Variants in CFDP1 observed in about 807,000 individuals in gnomAD.
The protein encoded by CFDP1 is heterochromatin-stabilizing protein CFDP1.
In CFDP1, 31 loss-of-function variants were observed where a neutral mutation model predicts 40.1. The ratio of observed to expected loss-of-function variants is 0.77; its 90% CI spans 0.58 to 1.04. The LOEUF is 1.04. CFDP1 is among the 50% of genes least tolerant of loss of function. The pLI is 0.00. For missense variants in CFDP1, 423 were observed against 343.4 expected, an observed-to-expected ratio of 1.23 and a Z score of -1.83; for synonymous variants, 167 against 120.0, an observed-to-expected ratio of 1.39 and a Z score of -2.56.
chr16:75,362,656 T>G (rs1416846616), intron 5 of CFDP1, among the ~76,000 whole-genome samples: 1 of 152,164 alleles, frequency 6.6e-6, no homozygotes, highest in African/African-American at 2.4e-5. Context: ...CTTCCATTCC[T>G]TCAGGTGTTA....
intron 5 of CFDP1, among the ~76,000 whole-genome samples, chr16:75,350,975 G>C (rs1445184496): frequency 6.6e-6 from 1 of 151,858 alleles, no homozygotes; most frequent in Non-Finnish European, 1.5e-5. Context: ...TACATTTCTA[G>C]TGAGATAAAA....
intron 1 of CFDP1, among the ~76,000 whole-genome samples, 198 bp downstream of exon 1, chr16:75,433,091 G>A (rs567013544): frequency 2.2e-4 from 34 of 152,230 alleles, no homozygotes; most frequent in Admixed American, 2.2e-3. Context: ...CCAACGGGAG[G>A]GGAGCACAGA....
chr16:75,382,590 ATC>A (rs2078861377), intron 5 of CFDP1, among the ~76,000 whole-genome samples: 1 of 152,246 alleles, frequency 6.6e-6, no homozygotes, highest in Non-Finnish European at 1.5e-5. Flanking sequence ...TTGAAATGGT[ATC>A]AAAAATTTGG....
At chr16:75,388,499 A>T (rs190039469) in intron 5 of CFDP1, among the ~76,000 whole-genome samples, 1 of 152,354 alleles carries the variant, frequency 6.6e-6, no homozygotes, top group East Asian at 1.9e-4. Context: ...GAGTAAAGCC[A>T]CTGAGTAGGG....
chr16:75,346,066 T>C lies in CFDP1; in HGVS notation c.651-40884A>G, dbSNP rs142101064. Among the ~76,000 whole-genome samples, 733 of 152,334 alleles carry C rather than the reference T, an allele frequency of 4.8e-3. 10 individuals carry two copies. Among genetic ancestry groups the C allele is most frequent in the African/African-American group, 0.017 (719 of 41,576 alleles). On this transcript the variant is annotated intron_variant, in intron 5 of 6. Coordinates refer to ENST00000283882, the MANE Select transcript of CFDP1 (RefSeq NM_006324.3). Reference sequence around the variant, plus strand: ...CACGGAACAATGGCTCAAATGTCAATGTTCAGTACTCCCAATGCATCTCCC... The same window carrying C: ...CACGGAACAATGGCTCAAATGTCAACGTTCAGTACTCCCAATGCATCTCCC...
At chr16:75,299,288 T>C (rs1310753473) in intron 6 of CFDP1, among the ~76,000 whole-genome samples, 1 of 152,046 alleles carries the variant, frequency 6.6e-6, no homozygotes, top group South Asian at 2.1e-4. Context: ...TTCTGGGTGA[T>C]TAATTCTAAT....
At chr16:75,318,553 A>C (rs1467538060) in intron 5 of CFDP1, among the ~76,000 whole-genome samples, 1 of 151,852 alleles carries the variant, frequency 6.6e-6, no homozygotes, top group Admixed American at 6.6e-5. Flanking sequence ...CTACAGGTGC[A>C]TGCTGCCATG....
intron 5 of CFDP1, among the ~76,000 whole-genome samples, chr16:75,332,230 C>G (rs570269320): frequency 6.6e-6 from 1 of 152,030 alleles, no homozygotes; most frequent in East Asian, 1.9e-4. Flanking sequence ...TTTGGGAGGC[C>G]GAGGTGGGCG....
chr16:75,294,076 C>G (rs768665490), intron 6 of CFDP1, 34 bp from the exon 7 acceptor site: 1 of 1,557,848 alleles, frequency 6.4e-7, no homozygotes, highest in Non-Finnish European at 8.9e-7. Context: ...TCAGTAGAAT[C>G]CAGTAGGAAA....
intron 5 of CFDP1, among the ~76,000 whole-genome samples, chr16:75,337,678 G>T (rs1012532997): frequency 6.6e-6 from 1 of 152,158 alleles, no homozygotes; most frequent in African/African-American, 2.4e-5. Flanking sequence ...GCAGGAGGAA[G>T]AGACAGAAGT....
At chr16:75,389,816 G>A (rs572669861) in intron 5 of CFDP1, among the ~76,000 whole-genome samples, 4 of 152,112 alleles carry the variant, frequency 2.6e-5, no homozygotes, top group Non-Finnish European at 4.4e-5. Context: ...CGGATAAAAT[G>A]TGCCCACTCA....
At chr16:75,361,482 T>G (rs2078678856) in intron 5 of CFDP1, among the ~76,000 whole-genome samples, 2 of 152,024 alleles carry the variant, frequency 1.3e-5, no homozygotes, top group South Asian at 4.1e-4. Context: ...CCAAGTGTGG[T>G]GCCGCACGCC....
chr16:75,341,522 T>G (rs1315545884), intron 5 of CFDP1, among the ~76,000 whole-genome samples: 1 of 152,184 alleles, frequency 6.6e-6, no homozygotes, highest in African/African-American at 2.4e-5. Context: ...TTGGCTAGAT[T>G]AGCAGAGAGT....
intron 5 of CFDP1, among the ~76,000 whole-genome samples, chr16:75,317,949 C>A (rs571809164): frequency 6.6e-6 from 1 of 151,910 alleles, no homozygotes; most frequent in Admixed American, 6.6e-5. Context: ...CACCCCCCAT[C>A]TCTACTAAAA....
intron 5 of CFDP1, among the ~76,000 whole-genome samples, chr16:75,349,666 A>ATATATATATATATATATAT (rs1567653444): frequency 7.3e-5 from 1 of 13,690 alleles, no homozygotes; most frequent in Non-Finnish European, 1.3e-4. Flanking sequence ...AAAAAAAAAA[A>ATATATATATATATATATAT]AAAAAAAAAA....
At chr16:75,323,602 G>A (rs1466834963) in intron 5 of CFDP1, among the ~76,000 whole-genome samples, 1 of 152,018 alleles carries the variant, frequency 6.6e-6, no homozygotes, top group Non-Finnish European at 1.5e-5. Context: ...CTAACATGGT[G>A]AAACCCGATC....
At chr16:75,418,445 T>G (rs1381067583) in intron 1 of CFDP1, among the ~76,000 whole-genome samples, 1 of 151,548 alleles carries the variant, frequency 6.6e-6, no homozygotes, top group Non-Finnish European at 1.5e-5. Flanking sequence ...TAGGTGGGAC[T>G]ACAGGCGTGC....
At chr16:75,300,112 G>A (rs1021070093) in intron 6 of CFDP1, among the ~76,000 whole-genome samples, 4 of 152,212 alleles carry the variant, frequency 2.6e-5, no homozygotes, top group East Asian at 1.9e-4. Context: ...GCTGGGTGGA[G>A]AATGGATGAA....
chr16:75,431,093 A>T (rs111724940), intron 1 of CFDP1, among the ~76,000 whole-genome samples: 25 of 152,286 alleles, frequency 1.6e-4, no homozygotes, highest in African/African-American at 6.0e-4. Flanking sequence ...AAGTGCAGGA[A>T]AAGTAATCTG....
Sources: gnomAD v4.1 joint callset for allele counts (sites outside exome capture counted in the v4.1 genomes callset) on GRCh38, gnomAD v4.1.1 for gene constraint, MANE v1.5 for transcripts, NCBI Gene and HGNC (gene_info 2026-07-23, HGNC 2026-07-21) for gene names.